FGF13: variants seen among roughly 807,000 people sequenced by gnomAD.
FGF13 encodes the protein fibroblast growth factor 13.
In FGF13, 2 loss-of-function variants were observed where a neutral mutation model predicts 19.5. That is an observed-to-expected ratio of 0.10 (90% CI 0.04 to 0.32). FGF13 has a LOEUF of 0.32. Ranked by LOEUF, FGF13 falls within the 10% of genes least tolerant of loss-of-function variation. The probability of loss-of-function intolerance (pLI) is 1.00; values close to 1 mark genes in which losing one functional copy is unlikely to be tolerated. For synonymous variants in FGF13, 72 were observed against 76.9 expected (o/e 0.94, Z 0.33); for missense variants, 113 against 192.7 (o/e 0.59, Z 2.45).
intron 1 of FGF13, among the ~76,000 whole-genome samples, chrX:138,984,584 GAA>G (rs1569436167): frequency 3.3e-4 from 18 of 54,083 alleles, no homozygotes; most frequent in African/African-American, 8.9e-4. Context: ...AGAAGAAGAA[GAA>G]GAAGGAGGAG....
At chrX:138,808,919 A>C (rs773625728) in intron 3 of FGF13, among the ~76,000 whole-genome samples, 176 of 111,756 alleles carry the variant, frequency 1.6e-3, no homozygotes, top group African/African-American at 5.5e-3. Flanking sequence ...CCTGAATAGA[A>C]CAATAACAGT....
At chrX:139,115,460 C>A (rs1452397439) in intron 1 of FGF13, among the ~76,000 whole-genome samples, 1 of 111,590 alleles carries the variant, frequency 9.0e-6, no homozygotes, top group African/African-American at 3.3e-5. Context: ...ACATCGCCAT[C>A]CTCCTCCTTC....
chrX:139,175,348 C>G (rs919067880), intron 1 of FGF13, among the ~76,000 whole-genome samples: 1 of 112,330 alleles, frequency 8.9e-6, no homozygotes, highest in Non-Finnish European at 1.9e-5. Context: ...CATCTGCATA[C>G]AGAGACAATT....
rs938731819 is a variant in FGF13, at chrX:138,863,145, C to T, written c.-39+1432G>A. Among the ~76,000 whole-genome samples the T allele has an allele frequency of 4.4e-4, 49 of 110,990 alleles. 1 individual carries two copies. The highest frequency in any genetic ancestry group is 1.5e-3 in the African/African-American group (47 of 30,465). On this transcript the variant is annotated intron_variant, in intron 2 of 2. Transcript: ENST00000421460. ...CTCCTCAGAGATGCCCTTTTAGCCA[C>T]GTTAGGGAGGTTTCAATTTGTCACA...
rs1473800858 is a variant in FGF13 at position 138,711,709 on chromosome X, C to T, written c.-706G>A. The T allele has an allele frequency of 1.2e-5, 9 of 750,413 alleles. No homozygotes were observed. The East Asian group carries it at 1.4e-3, about 116-fold the overall frequency. The allele number at this position is 750,413 out of a possible 1,213,427, so 61.8% of individuals were successfully genotyped here. A position where few individuals can be genotyped will look rare whatever the true frequency, so the allele number is the denominator to read the frequency against. ...CAGCCGCCGCAGGCACCCTCCGGAA[C>T]AGCGCGACAGCCTCCTTGCAGCCCC... On this transcript the variant is annotated 5_prime_UTR_variant, in exon 1 of 5. Coordinates refer to ENST00000315930, the MANE Select transcript of FGF13 (RefSeq NM_004114.5).
At chrX:138,689,646 A>G (rs1252070031) in intron 3 of FGF13, among the ~76,000 whole-genome samples, 1 of 112,194 alleles carries the variant, frequency 8.9e-6, no homozygotes, top group Non-Finnish European at 1.9e-5. Context: ...CTGAAGAGAA[A>G]GCATACCTCA....
intron 1 of FGF13, among the ~76,000 whole-genome samples, chrX:139,181,155 A>G (rs751455084): frequency 1.8e-5 from 2 of 112,358 alleles, no homozygotes; most frequent in South Asian, 7.4e-4. Context: ...GCAGATGTGC[A>G]ATAAAATCAC....
At chrX:138,945,378 A>G (rs1395185102) in intron 1 of FGF13, among the ~76,000 whole-genome samples, 1 of 111,038 alleles carries the variant, frequency 9.0e-6, no homozygotes, top group East Asian at 2.8e-4. Flanking sequence ...GTCCTCCACA[A>G]TCTTGAGTAA....
chrX:139,204,320 T>TCGC (rs770201350), upstream of FGF13: 235 of 325,780 alleles, frequency 7.2e-4, 2 homozygotes, highest in African/African-American at 5.8e-3. Flanking sequence ...GGAGCCGCCG[T>TCGC]CGCCGCCGCC....
intron 1 of FGF13, among the ~76,000 whole-genome samples, chrX:139,011,804 C>T (rs781575745): frequency 7.4e-4 from 83 of 111,637 alleles, no homozygotes; most frequent in African/African-American, 2.7e-3. Flanking sequence ...ATTCTCACCA[C>T]TTCTATTCAA....
intron 1 of FGF13, among the ~76,000 whole-genome samples, chrX:139,108,601 A>G (rs1227013071): frequency 8.9e-6 from 1 of 111,780 alleles, no homozygotes; most frequent in Non-Finnish European, 1.9e-5. Flanking sequence ...ACCATGGTTA[A>G]TACCCTCTAG....
intron 1 of FGF13, among the ~76,000 whole-genome samples, chrX:138,906,059 A>G (rs2091556916): frequency 9.0e-6 from 1 of 111,467 alleles, no homozygotes; most frequent in Non-Finnish European, 1.9e-5. Context: ...AGAATCATGG[A>G]AGGAAATTCC....
chrX:138,689,499 G>GAACCA (rs1384462254), intron 3 of FGF13, among the ~76,000 whole-genome samples: 2 of 111,346 alleles, frequency 1.8e-5, no homozygotes, highest in Non-Finnish European at 3.8e-5. Flanking sequence ...AAAAACAAAT[G>GAACCA]AACCAAACCA....
chrX:138,625,525 A>C lies in FGF13; in HGVS notation c.*7325T>G. The C allele has an allele frequency of 1.0e-5, 1 of 97,777 alleles. No homozygotes were observed. Among genetic ancestry groups the C allele is most frequent in the Non-Finnish European group, 2.0e-5 (1 of 50,186 alleles). The allele number at this position is 97,777 out of a possible 1,213,427, so 8.1% of individuals were successfully genotyped here. ...TATATATATATAATATAATATATAT[A>C]TATATCTTAGCCATATAAAGAGGGA... On this transcript the variant is annotated 3_prime_UTR_variant, in exon 5 of 5. Coordinates refer to ENST00000315930, the MANE Select transcript of FGF13 (RefSeq NM_004114.5).
chrX:138,782,110 C>A (rs1218364093), intron 3 of FGF13, among the ~76,000 whole-genome samples: 7 of 111,676 alleles, frequency 6.3e-5, no homozygotes, highest in East Asian at 2.8e-4. Context: ...ATTCAACAAC[C>A]CTTCATGCTA....
chrX:138,698,507 T>G (rs1380259593), intron 3 of FGF13, among the ~76,000 whole-genome samples: 1 of 111,825 alleles, frequency 8.9e-6, no homozygotes, highest in Non-Finnish European at 1.9e-5. Flanking sequence ...AACAAATGAT[T>G]AAGTGCATAT....
intron 1 of FGF13, among the ~76,000 whole-genome samples, chrX:139,076,566 G>A (rs750704782): frequency 8.9e-6 from 1 of 111,779 alleles, no homozygotes; most frequent in Non-Finnish European, 1.9e-5. Flanking sequence ...TTAATGAGCT[G>A]ATATTTTCTC....
intron 1 of FGF13, among the ~76,000 whole-genome samples, chrX:138,726,276 A>C (rs2090185172): frequency 8.9e-6 from 1 of 111,772 alleles, no homozygotes. Context: ...AGTGCAGAAG[A>C]GGACTATATG....
At chrX:138,941,532 T>C (rs2091758149) in intron 1 of FGF13, among the ~76,000 whole-genome samples, 1 of 111,945 alleles carries the variant, frequency 8.9e-6, no homozygotes, top group Non-Finnish European at 1.9e-5. Flanking sequence ...TACAAAACAC[T>C]GCTAAAAGAA....
Sources: allele counts gnomAD v4.1 joint callset (sites outside exome capture counted in the v4.1 genomes callset), GRCh38; gene constraint gnomAD v4.1.1; transcripts MANE v1.5; gene names NCBI Gene and HGNC (gene_info 2026-07-23, HGNC 2026-07-21).